AUTS2: variants seen among roughly 807,000 people sequenced by gnomAD.
AUTS2 encodes the protein activator of transcription and developmental regulator AUTS2, also known as autism susceptibility gene 2 protein.
A neutral mutation model predicts 112.4 loss-of-function variants in AUTS2; 17 were observed. The ratio of observed to expected loss-of-function variants is 0.15; its 90% confidence interval spans 0.10 to 0.23. The LOEUF is 0.23. AUTS2 is among the 10% of genes least tolerant of loss of function. The pLI, the probability that AUTS2 is intolerant of heterozygous loss-of-function variation, is 1.00. For missense variants in AUTS2, 1,510 were observed against 1,701.6 expected, an observed-to-expected ratio of 0.89 and a Z score of 1.98; for synonymous variants, 751 against 702.7, an observed-to-expected ratio of 1.07 and a Z score of -1.09.
At chr7:70,167,306 A>G (rs1488892664) in intron 4 of AUTS2, among the ~76,000 whole-genome samples, 1 of 152,228 alleles carries the variant, frequency 6.6e-6, no homozygotes, top group East Asian at 1.9e-4. Context: ...ATTACCAAGT[A>G]TAAAGCATGG....
At chr7:70,370,070 C>T (rs966272229) in intron 4 of AUTS2, among the ~76,000 whole-genome samples, 3 of 152,166 alleles carry the variant, frequency 2.0e-5, no homozygotes, top group African/African-American at 7.2e-5. Flanking sequence ...TCAGACATAA[C>T]CCTGCCCTAG....
At chr7:69,779,389 C>CA (rs1789045337) in intron 1 of AUTS2, among the ~76,000 whole-genome samples, 1 of 151,978 alleles carries the variant, frequency 6.6e-6, no homozygotes, top group Non-Finnish European at 1.5e-5. Context: ...CTGATCTTTA[C>CA]AAAAAATGCT....
At chr7:70,439,355 T>C (rs992277176) in intron 5 of AUTS2, among the ~76,000 whole-genome samples, 1 of 151,788 alleles carries the variant, frequency 6.6e-6, no homozygotes, top group Non-Finnish European at 1.5e-5. Flanking sequence ...CTGACCAACA[T>C]AGTGAAACCC....
chr7:70,581,596 G>A (rs890784769), intron 5 of AUTS2, among the ~76,000 whole-genome samples: 1 of 152,084 alleles, frequency 6.6e-6, no homozygotes. Context: ...GACTAACTAT[G>A]CACACGCCAC....
At chr7:69,653,116 G>A (rs1270484672) in intron 1 of AUTS2, among the ~76,000 whole-genome samples, 3 of 152,142 alleles carry the variant, frequency 2.0e-5, no homozygotes, top group African/African-American at 7.2e-5. Context: ...CTCTGACCTT[G>A]GGACTTCCAG....
intron 1 of AUTS2, among the ~76,000 whole-genome samples, chr7:69,636,473 G>C (rs1302137442): frequency 3.8e-5 from 2 of 53,262 alleles, no homozygotes; most frequent in Non-Finnish European, 6.8e-5. Context: ...GACCTCAAGT[G>C]ATCCGCGCCC....
intron 2 of AUTS2, among the ~76,000 whole-genome samples, chr7:69,918,731 G>A (rs752243615): frequency 7.2e-5 from 11 of 152,122 alleles, no homozygotes; most frequent in South Asian, 2.1e-4. Context: ...TAATTATTCC[G>A]TATTTTGTTT....
At chr7:70,238,461 C>T (rs911368212) in intron 4 of AUTS2, among the ~76,000 whole-genome samples, 1 of 152,144 alleles carries the variant, frequency 6.6e-6, no homozygotes, top group Non-Finnish European at 1.5e-5. Flanking sequence ...TGCCTGCTCC[C>T]TCCCTTCTTA....
intron 1 of AUTS2, among the ~76,000 whole-genome samples, chr7:69,897,099 A>C (rs370638089): frequency 6.6e-6 from 1 of 152,202 alleles, no homozygotes; most frequent in African/African-American, 2.4e-5. Flanking sequence ...CTTGGCATGT[A>C]CTGGGCACAC....
intron 1 of AUTS2, among the ~76,000 whole-genome samples, chr7:69,779,530 G>A (rs911682077): frequency 2.0e-5 from 3 of 152,128 alleles, no homozygotes; most frequent in East Asian, 1.9e-4. Flanking sequence ...TTGGAAGGCC[G>A]AGGAAGGCAG....
intron 5 of AUTS2, among the ~76,000 whole-genome samples, chr7:70,642,504 T>C (rs1447738583): frequency 2.0e-5 from 3 of 152,204 alleles, no homozygotes; most frequent in Non-Finnish European, 4.4e-5. Flanking sequence ...TCCTAGAGTT[T>C]GCCTTGAATT....
chr7:70,323,947 A>G (rs759257399), intron 4 of AUTS2, among the ~76,000 whole-genome samples: 1 of 152,212 alleles, frequency 6.6e-6, no homozygotes, highest in Non-Finnish European at 1.5e-5. Flanking sequence ...TCTAGCTGAA[A>G]ATGCAAGGAG....
intron 1 of AUTS2, among the ~76,000 whole-genome samples, chr7:69,746,432 G>A (rs1787499200): frequency 6.6e-6 from 1 of 152,098 alleles, no homozygotes; most frequent in Admixed American, 6.5e-5. Flanking sequence ...TTCTGTGGAG[G>A]GAAATAATTC....
intron 1 of AUTS2, among the ~76,000 whole-genome samples, chr7:69,828,145 T>C (rs535769344): frequency 6.6e-6 from 1 of 152,322 alleles, no homozygotes; most frequent in South Asian, 2.1e-4. Context: ...TTCACTTCCA[T>C]GTGGACTTGA....
intron 5 of AUTS2, among the ~76,000 whole-genome samples, chr7:70,490,665 T>C (rs1160675777): frequency 6.6e-6 from 1 of 152,140 alleles, no homozygotes; most frequent in Non-Finnish European, 1.5e-5. Context: ...GCACCTGGAC[T>C]TGCTCAAAAC....
chr7:70,777,443 C>G (rs41272936), intron 14 of AUTS2, among the ~76,000 whole-genome samples: 1 of 152,078 alleles, frequency 6.6e-6, no homozygotes, highest in South Asian at 2.1e-4. Flanking sequence ...ATCCTCCCAC[C>G]TCAGTCTCCC....
At chr7:69,609,878 G>A (rs900292238) in intron 1 of AUTS2, among the ~76,000 whole-genome samples, 2 of 152,218 alleles carry the variant, frequency 1.3e-5, no homozygotes, top group African/African-American at 4.8e-5. Flanking sequence ...TCATGGGATT[G>A]TAATAACATA....
chr7:70,060,621 A>G (rs1404995903), intron 2 of AUTS2, among the ~76,000 whole-genome samples: 1 of 152,198 alleles, frequency 6.6e-6, no homozygotes, highest in Non-Finnish European at 1.5e-5. Context: ...GTAATCTTTT[A>G]TGTCAACCCT....
At chr7:70,598,295 T>G (rs1585354704) in intron 5 of AUTS2, among the ~76,000 whole-genome samples, 1 of 152,234 alleles carries the variant, frequency 6.6e-6, no homozygotes, top group East Asian at 1.9e-4. Context: ...AGAACCACGG[T>G]TTCTCAGTGC....
Sources: gnomAD v4.1 joint callset for allele counts (sites outside exome capture counted in the v4.1 genomes callset) on GRCh38, gnomAD v4.1.1 for gene constraint, MANE v1.5 for transcripts, NCBI Gene and HGNC (gene_info 2026-07-23, HGNC 2026-07-21) for gene names.